DLG2: variants seen among roughly 807,000 people sequenced by gnomAD.
DLG2 encodes the protein disks large homolog 2.
DLG2 carries 45 observed loss-of-function variants against 132.5 expected under a neutral mutation model. The ratio of observed to expected loss-of-function variants is 0.34; its 90% CI spans 0.27 to 0.44. DLG2 has a LOEUF of 0.44. DLG2 is among the 20% of genes least tolerant of loss of function. The probability of loss-of-function intolerance (pLI) is 1.00; values close to 1 mark genes in which losing one functional copy is unlikely to be tolerated. For synonymous variants in DLG2, 424 were observed against 419.6 expected, an observed-to-expected ratio of 1.01 and a Z score of -0.13; for missense variants, 1,045 against 1,196.9, an observed-to-expected ratio of 0.87 and a Z score of 1.87.
chr11:84,534,516 A>T (rs567067956), intron 7 of DLG2, 54 bp downstream of exon 7: 1 of 1,569,660 alleles, frequency 6.4e-7, no homozygotes, highest in East Asian at 2.2e-5. Context: ...TCCATTAGCA[A>T]TTAAGACCAA....
At chr11:84,505,290 G>A (rs959739281) in intron 7 of DLG2, among the ~76,000 whole-genome samples, 1 of 152,118 alleles carries the variant, frequency 6.6e-6, no homozygotes, top group African/African-American at 2.4e-5. Context: ...AGCATTCTAT[G>A]AGCGTATACT....
chr11:84,632,939 A>G (rs2099634534), intron 6 of DLG2, among the ~76,000 whole-genome samples: 1 of 152,216 alleles, frequency 6.6e-6, no homozygotes, highest in African/African-American at 2.4e-5. Flanking sequence ...TACCTTCTTC[A>G]TAAGTCAGTA....
At chr11:84,635,759 C>CT (rs1350346360) in intron 6 of DLG2, among the ~76,000 whole-genome samples, 2 of 151,920 alleles carry the variant, frequency 1.3e-5, no homozygotes, top group African/African-American at 4.8e-5. Context: ...GAAAGTAAAG[C>CT]TGAGAGAAGT....
chr11:83,954,178 T>C (rs1225066355), intron 14 of DLG2, among the ~76,000 whole-genome samples: 1 of 152,190 alleles, frequency 6.6e-6, no homozygotes, highest in African/African-American at 2.4e-5. Context: ...CTAATATTTA[T>C]TTCCTTGAAA....
chr11:85,591,567 C>T (rs554675679), intron 3 of DLG2, among the ~76,000 whole-genome samples: 168 of 152,176 alleles, frequency 1.1e-3, no homozygotes, highest in African/African-American at 3.9e-3. Context: ...GGTGAAACCC[C>T]GTCTCTACTA....
At chr11:83,743,308 T>A (rs1373147303) in intron 18 of DLG2, among the ~76,000 whole-genome samples, 11 of 152,212 alleles carry the variant, frequency 7.2e-5, no homozygotes, top group African/African-American at 2.7e-4. Context: ...TCCTGTCAGT[T>A]TTACTGCAGA....
At chr11:85,072,046 G>A (rs1006534420) in intron 6 of DLG2, among the ~76,000 whole-genome samples, 1 of 151,810 alleles carries the variant, frequency 6.6e-6, no homozygotes, top group Non-Finnish European at 1.5e-5. Flanking sequence ...GTAAAAATGT[G>A]AGCATTTGTA....
intron 15 of DLG2, among the ~76,000 whole-genome samples, chr11:83,907,038 A>G (rs528399684): frequency 6.6e-6 from 1 of 152,320 alleles, no homozygotes; most frequent in Non-Finnish European, 1.5e-5. Context: ...AGGAAGAATC[A>G]GAAAAAGATC....
chr11:84,163,491 T>C lies in DLG2; in HGVS notation c.594A>G (p.Glu198=). ...CCAGTGTAATTTCTTCAAATTCATATTCAATTTCTGTCCCATTGACCTGTA... is the reference window on the plus strand; with the variant it reads ...CCAGTGTAATTTCTTCAAATTCATACTCAATTTCTGTCCCATTGACCTGTA... ...TIPYVNGTEI[E]YEFEEITLER... is the part of the protein sequence containing the mutation. Residue 198 remains glutamate, a synonymous_variant, in exon 9 of 28, where the codon GAA becomes GAG. Coordinates refer to ENST00000376104, the MANE Select transcript of DLG2 (RefSeq NM_001142699.3). The C allele has an allele frequency of 1.9e-6, 3 of 1,607,344 alleles. No homozygotes were observed. The South Asian group carries it at 3.3e-5, about 18-fold the overall frequency.
chr11:85,204,779 C>T (rs1185022485), intron 4 of DLG2, among the ~76,000 whole-genome samples: 1 of 152,070 alleles, frequency 6.6e-6, no homozygotes, highest in Non-Finnish European at 1.5e-5. Flanking sequence ...TGACTTCAAA[C>T]TGTACTACAA....
At chr11:84,878,060 C>A (rs533636735) in intron 6 of DLG2, among the ~76,000 whole-genome samples, 1 of 152,222 alleles carries the variant, frequency 6.6e-6, no homozygotes, top group African/African-American at 2.4e-5. Flanking sequence ...AGTCAGGAAA[C>A]AACAGATGCT....
intron 4 of DLG2, among the ~76,000 whole-genome samples, chr11:85,214,397 CTAAA>C (rs2082445901): frequency 6.6e-6 from 1 of 152,108 alleles, no homozygotes; most frequent in Non-Finnish European, 1.5e-5. Flanking sequence ...AATTTCTCAA[CTAAA>C]TAAAGAATAC....
intron 6 of DLG2, among the ~76,000 whole-genome samples, chr11:84,912,695 C>T (rs1207989207): frequency 4.6e-5 from 7 of 152,224 alleles, no homozygotes; most frequent in African/African-American, 1.7e-4. Context: ...CCCAGTTTTT[C>T]CACATCTCCT....
chr11:83,933,222 C>A lies in DLG2; in HGVS notation c.1341-2739G>T, dbSNP rs553727337. ...GCCAAGGGGAAATGACTTTTGGCAG[C>A]GTGAATCAGCCAGTCATAATTGAAA... On this transcript the variant is annotated intron_variant, in intron 14 of 27. Transcript: ENST00000376104. Among the ~76,000 whole-genome samples the A allele has an allele frequency of 4.6e-5, 7 of 152,292 alleles. No individual in the cohort carries two copies. The South Asian group carries it at 1.2e-3, about 27-fold the overall frequency.
intron 3 of DLG2, among the ~76,000 whole-genome samples, chr11:85,503,735 C>A (rs553154966): frequency 6.6e-6 from 1 of 151,900 alleles, no homozygotes; most frequent in African/African-American, 2.4e-5. Flanking sequence ...AGTTCAAGAC[C>A]GAGCCAGGTA....
At chr11:84,959,857 A>G (rs1448091881) in intron 6 of DLG2, among the ~76,000 whole-genome samples, 1 of 152,194 alleles carries the variant, frequency 6.6e-6, no homozygotes, top group Non-Finnish European at 1.5e-5. Flanking sequence ...ACTACAGGAC[A>G]AAAGAAAAGG....
intron 6 of DLG2, among the ~76,000 whole-genome samples, chr11:84,562,174 C>T (rs2099429953): frequency 1.3e-5 from 2 of 150,820 alleles, no homozygotes; most frequent in Non-Finnish European, 1.5e-5. Context: ...TGGTTCAGTC[C>T]CCTGTCTATG....
At chr11:85,524,674 T>G (rs1451582067) in intron 3 of DLG2, among the ~76,000 whole-genome samples, 1 of 152,076 alleles carries the variant, frequency 6.6e-6, no homozygotes, top group Non-Finnish European at 1.5e-5. Flanking sequence ...GTTTATTTTT[T>G]GTAGAGATGA....
intron 9 of DLG2, among the ~76,000 whole-genome samples, chr11:84,114,230 T>C (rs2154195177): frequency 6.6e-6 from 1 of 152,282 alleles, no homozygotes; most frequent in East Asian, 1.9e-4. Flanking sequence ...ATAGGAGCTC[T>C]TCATGAATTT....
Sources: gnomAD v4.1 joint callset for allele counts (sites outside exome capture counted in the v4.1 genomes callset) on GRCh38, gnomAD v4.1.1 for gene constraint, MANE v1.5 for transcripts, NCBI Gene and HGNC (gene_info 2026-07-23, HGNC 2026-07-21) for gene names.